ASTN2: variants seen among roughly 807,000 people sequenced by gnomAD.
ASTN2 encodes astrotactin 2.
Under a neutral mutation model 139.8 loss-of-function variants are expected in ASTN2, and 54 were observed. That is an observed-to-expected ratio of 0.39 (90% CI 0.31 to 0.48). ASTN2 has a LOEUF of 0.48. Among genes scored for constraint, ASTN2 ranks in the 20% least tolerant of loss-of-function variants. ASTN2 has a pLI of 0.95. For missense variants in ASTN2, 1,565 were observed against 1,725.1 expected (o/e 0.91, Z 1.64); for synonymous variants, 756 against 719.5 (o/e 1.05, Z -0.81).
At chr9:116,642,132 C>CAAAAAAAAAAAAAAAAAAAA (rs1252642911) in intron 17 of ASTN2, among the ~76,000 whole-genome samples, 3 of 48,930 alleles carry the variant, frequency 6.1e-5, no homozygotes, top group African/African-American at 2.3e-4. Flanking sequence ...TCCCAACCCA[C>CAAAAAAAAAAAAAAAAAAAA]AAAAAAAAAA....
intron 4 of ASTN2, among the ~76,000 whole-genome samples, chr9:117,097,045 A>G (rs1828858082): frequency 6.6e-6 from 1 of 152,178 alleles, no homozygotes; most frequent in Non-Finnish European, 1.5e-5. Flanking sequence ...CAGCCATGGT[A>G]TATACAAGGA....
chr9:116,467,500 C>G (rs1375272934), intron 20 of ASTN2, among the ~76,000 whole-genome samples: 1 of 152,148 alleles, frequency 6.6e-6, no homozygotes, highest in African/African-American at 2.4e-5. Flanking sequence ...CTCTTGACCT[C>G]GTGATCCGCC....
intron 19 of ASTN2, among the ~76,000 whole-genome samples, chr9:116,599,341 C>T (rs1325260928): frequency 1.3e-5 from 2 of 152,202 alleles, no homozygotes; most frequent in Admixed American, 6.5e-5. Flanking sequence ...GGTTTGCTAT[C>T]TCTAAGTTAA....
At chr9:116,544,359 C>T (rs535878362) in intron 19 of ASTN2, among the ~76,000 whole-genome samples, 3 of 152,240 alleles carry the variant, frequency 2.0e-5, no homozygotes, top group African/African-American at 7.2e-5. Flanking sequence ...CTCCATTCCA[C>T]CTCACCAAAA....
At chr9:116,808,436 G>T (rs1300914535) in intron 12 of ASTN2, among the ~76,000 whole-genome samples, 2 of 152,124 alleles carry the variant, frequency 1.3e-5, no homozygotes, top group African/African-American at 2.4e-5. Context: ...ATATATTGTT[G>T]TGAGACATGC....
rs542004120 is a variant in ASTN2 at position 116,743,474 on chromosome 9, G to A, written c.2397-9951C>T. On this transcript the variant is annotated intron_variant, in intron 13 of 22. Coordinates refer to ENST00000313400, the MANE Select transcript of ASTN2 (RefSeq NM_001365068.1). ...GCTGAGGCTGAGGCAGGAGAATGGC[G>A]TGAACCCAGGAGGCAGAGCTTGTAG... Among the ~76,000 whole-genome samples, 65 of 152,220 alleles carry A rather than the reference G, an allele frequency of 4.3e-4. 2 individuals carry two copies. The highest frequency in any genetic ancestry group is 3.9e-3 in the Admixed American group (60 of 15,302).
At chr9:116,681,693 C>G (rs1859877861) in intron 16 of ASTN2, among the ~76,000 whole-genome samples, 1 of 152,134 alleles carries the variant, frequency 6.6e-6, no homozygotes, top group South Asian at 2.1e-4. Flanking sequence ...ATCAATGGAA[C>G]AGAACAGAGC....
intron 10 of ASTN2, among the ~76,000 whole-genome samples, chr9:116,964,928 G>A (rs937612162): frequency 6.6e-6 from 1 of 152,208 alleles, no homozygotes; most frequent in Admixed American, 6.5e-5. Context: ...TCACATGACT[G>A]TCCTTTCTCT....
intron 19 of ASTN2, among the ~76,000 whole-genome samples, chr9:116,565,741 C>T: frequency 6.6e-6 from 1 of 151,934 alleles, no homozygotes; most frequent in Non-Finnish European, 1.5e-5. Flanking sequence ...TCTCAGCCTC[C>T]CAAAGGGCTG....
At chr9:117,156,561 C>T (rs1830437360) in intron 3 of ASTN2, among the ~76,000 whole-genome samples, 1 of 152,018 alleles carries the variant, frequency 6.6e-6, no homozygotes, top group Non-Finnish European at 1.5e-5. Context: ...GATGTCCATT[C>T]AGGTTGTGAA....
At chr9:116,638,246 T>C (rs545431402) in intron 17 of ASTN2, among the ~76,000 whole-genome samples, 29 of 152,318 alleles carry the variant, frequency 1.9e-4, no homozygotes, top group African/African-American at 7.0e-4. Context: ...TCAGCACTTA[T>C]TACGCACCAG....
intron 3 of ASTN2, among the ~76,000 whole-genome samples, chr9:117,145,887 T>G (rs1830182851): frequency 6.6e-6 from 1 of 152,162 alleles, no homozygotes; most frequent in Admixed American, 6.5e-5. Context: ...TTTTGCAATT[T>G]CTGTCTTCTT....
At chr9:117,398,564 G>A (rs1048021275) in intron 1 of ASTN2, among the ~76,000 whole-genome samples, 1 of 152,156 alleles carries the variant, frequency 6.6e-6, no homozygotes. Context: ...TGTGCCGCCT[G>A]CAAGAAACTT....
At chr9:117,059,270 A>G (rs186662892) in intron 5 of ASTN2, among the ~76,000 whole-genome samples, 37 of 152,328 alleles carry the variant, frequency 2.4e-4, no homozygotes, top group Non-Finnish European at 4.3e-4. Flanking sequence ...TTACTCCCAG[A>G]CAGAATGTCT....
chr9:116,481,918 A>G (rs1419195113), intron 20 of ASTN2, among the ~76,000 whole-genome samples: 1 of 152,182 alleles, frequency 6.6e-6, no homozygotes, highest in Admixed American at 6.5e-5. Context: ...GTGGGCATTA[A>G]GAATCAGCTT....
intron 16 of ASTN2, among the ~76,000 whole-genome samples, chr9:116,706,566 C>T (rs886418084): frequency 6.6e-6 from 1 of 151,946 alleles, no homozygotes; most frequent in African/African-American, 2.4e-5. Flanking sequence ...GAGTGATAAA[C>T]CTTTTCATAT....
intron 3 of ASTN2, among the ~76,000 whole-genome samples, chr9:117,204,404 C>G (rs1251776351): frequency 2.0e-5 from 3 of 152,184 alleles, no homozygotes; most frequent in African/African-American, 7.2e-5. Flanking sequence ...ATCACTTAGC[C>G]AACAGGCATT....
At chr9:117,088,039 A>G (rs1297251710) in intron 5 of ASTN2, among the ~76,000 whole-genome samples, 1 of 152,216 alleles carries the variant, frequency 6.6e-6, no homozygotes, top group Non-Finnish European at 1.5e-5. Context: ...GACATTTTTA[A>G]CCTTGAGGAA....
At chr9:117,134,334 A>G (rs563340082) in intron 4 of ASTN2, among the ~76,000 whole-genome samples, 1 of 121,758 alleles carries the variant, frequency 8.2e-6, no homozygotes, top group South Asian at 2.6e-4. Context: ...ACACACACAC[A>G]CACACGCCTG....
Sources: gnomAD v4.1 joint callset for allele counts (sites outside exome capture counted in the v4.1 genomes callset) on GRCh38, gnomAD v4.1.1 for gene constraint, MANE v1.5 for transcripts, NCBI Gene and HGNC (gene_info 2026-07-23, HGNC 2026-07-21) for gene names.